ARFGEF1: variants seen among roughly 807,000 people sequenced by gnomAD.
ARFGEF1 encodes the protein brefeldin A-inhibited guanine nucleotide-exchange protein 1.
ARFGEF1 carries 42 observed loss-of-function variants against 231.0 expected under a neutral mutation model. The ratio of observed to expected loss-of-function variants is 0.18; its 90% confidence interval spans 0.14 to 0.24. ARFGEF1 has a LOEUF of 0.24. ARFGEF1 is among the 10% of genes least tolerant of loss of function. The pLI, the probability that ARFGEF1 is intolerant of heterozygous loss-of-function variation, is 1.00. For missense variants in ARFGEF1, 1,345 were observed against 2,192.0 expected, an observed-to-expected ratio of 0.61 and a Z score of 7.72; for synonymous variants, 710 against 732.3, an observed-to-expected ratio of 0.97 and a Z score of 0.49.
chr8:67,288,472 C>A (rs906344908), intron 6 of ARFGEF1, among the ~76,000 whole-genome samples: 4 of 151,482 alleles, frequency 2.6e-5, no homozygotes, highest in Non-Finnish European at 5.9e-5. Flanking sequence ...GTGGCTCATG[C>A]CTGTAATTTC....
chr8:67,284,121 G>A (rs1471935119), intron 7 of ARFGEF1, among the ~76,000 whole-genome samples: 1 of 152,060 alleles, frequency 6.6e-6, no homozygotes, highest in Admixed American at 6.6e-5. Flanking sequence ...TGATATATCT[G>A]CATAAGGTAG....
At chr8:67,328,191 C>G (rs774222359) in intron 1 of ARFGEF1, among the ~76,000 whole-genome samples, 11 of 152,122 alleles carry the variant, frequency 7.2e-5, no homozygotes, top group Non-Finnish European at 1.5e-4. Context: ...CAGCAAATTC[C>G]TATTAAATGT....
chr8:67,264,684 T>TTCCA (rs1315921087), intron 14 of ARFGEF1, among the ~76,000 whole-genome samples: 1 of 152,086 alleles, frequency 6.6e-6, no homozygotes, highest in Non-Finnish European at 1.5e-5. Flanking sequence ...AGGAATACAG[T>TTCCA]TCCATGAAAG....
Position 67,198,679 on chromosome 8 carries a change from G to A in ARFGEF1, c.*255C>T. On this transcript the variant is annotated 3_prime_UTR_variant, in exon 39 of 39. Transcript: ENST00000262215. ...GGGCTTTTCCTGCCGTGGAAGACAGGGAAGGACCCGTGAGCATGAGCTGAC... is the reference window on the plus strand; with the variant it reads ...GGGCTTTTCCTGCCGTGGAAGACAGAGAAGGACCCGTGAGCATGAGCTGAC... 1 of 1,189,638 alleles carries A rather than the reference G, an allele frequency of 8.4e-7. No homozygotes were observed. The highest frequency in any genetic ancestry group is 1.0e-6 in the Non-Finnish European group (1 of 958,994). 73.7% of individuals were successfully genotyped at this position (1,189,638 alleles called of 1,614,324 possible). A position where few individuals can be genotyped will look rare whatever the true frequency, so the allele number is the denominator to read the frequency against.
intron 5 of ARFGEF1, 143 bp downstream of exon 5, chr8:67,296,288 C>A: frequency 1.3e-6 from 1 of 791,104 alleles, no homozygotes; most frequent in East Asian, 2.7e-5. Context: ...AACACAATCC[C>A]ACAAATCTCC....
chr8:67,310,561 G>A (rs1806960207), intron 1 of ARFGEF1, among the ~76,000 whole-genome samples: 4 of 150,644 alleles, frequency 2.7e-5, no homozygotes, highest in South Asian at 2.1e-4. Context: ...GCCGCCCATC[G>A]TCTGGGATGT....
rs1301714952 is a variant in ARFGEF1, at chr8:67,301,249, A to G, written c.287T>C (p.Val96Ala). ...CTGTAAGCAATCTAGAGATGTACTAACTATGCGAGGACATTTGGACTGGCA... is the reference window on the plus strand; with the variant it reads ...CTGTAAGCAATCTAGAGATGTACTAGCTATGCGAGGACATTTGGACTGGCA... ...LACQSKCPRI[V>A]STSLDCLQKL... is the part of the protein sequence containing the mutation. Residue 96 changes from valine to alanine, a missense_variant, in exon 3 of 39, where the codon GTT becomes GCT. Coordinates refer to ENST00000262215, the MANE Select transcript of ARFGEF1 (RefSeq NM_006421.5). 1 of 1,613,338 alleles carries G rather than the reference A, an allele frequency of 6.2e-7. No individual in the cohort carries two copies. Among genetic ancestry groups the G allele is most frequent in the Non-Finnish European group, 8.5e-7 (1 of 1,179,836 alleles).
rs1318381561 is a variant in ARFGEF1 at position 67,296,581 on chromosome 8, G to C, written c.489C>G (p.His163Gln). 8 of 1,611,594 alleles carry C rather than the reference G, an allele frequency of 5.0e-6. No homozygotes were observed. Among genetic ancestry groups the C allele is most frequent in the Non-Finnish European group, 6.8e-6 (8 of 1,178,830 alleles). The stretch of plus-strand genomic sequence containing the variant: ...GTACAGTCCCTTCATGAATTTCTAT[G>C]TGTTGTGATGTTACTGCAGTAAGTA... ...KALLTAVTSQ[H>Q]IEIHEGTVLQ... The change falls in exon 5 of 39, where the codon CAC becomes CAG. Residue 163 changes from histidine to glutamine, a missense_variant. Coordinates refer to ENST00000262215, the MANE Select transcript of ARFGEF1 (RefSeq NM_006421.5).
chr8:67,194,120 C>T (rs1433445504), downstream of ARFGEF1, among the ~76,000 whole-genome samples: 1 of 152,144 alleles, frequency 6.6e-6, no homozygotes, highest in Admixed American at 6.5e-5. Flanking sequence ...AGTCATAGAG[C>T]ACAAGGCAGG....
At chr8:67,216,511 A>G in intron 33 of ARFGEF1, 79 bp downstream of exon 33, 2 of 1,260,130 alleles carry the variant, frequency 1.6e-6, no homozygotes, top group Non-Finnish European at 2.2e-6. Context: ...TAAGACAATT[A>G]CATGTAAGAA....
At chr8:67,231,474 T>A (rs1344607062) in intron 23 of ARFGEF1, among the ~76,000 whole-genome samples, 3 of 152,090 alleles carry the variant, frequency 2.0e-5, no homozygotes, top group Non-Finnish European at 4.4e-5. Flanking sequence ...GAGTAACATG[T>A]CCCTCTGTAA....
chr8:67,343,581 C>G lies in ARFGEF1; in HGVS notation c.-294G>C, dbSNP rs1310325937. 1.8e-6 allele frequency: 2 copies of G among 1,094,218 alleles called. No individual in the cohort carries two copies. The highest frequency in any genetic ancestry group is 6.1e-5 in the East Asian group (1 of 16,336). 67.8% of individuals were successfully genotyped at this position (1,094,218 alleles called of 1,614,324 possible). The stretch of plus-strand genomic sequence containing the variant: ...TCGCGTCCCGGCCGCCCCTCTCACT[C>G]GTCCCTCCGGCCCTGGTGGCGGTGA... On this transcript the variant is annotated 5_prime_UTR_variant, in exon 1 of 39. Coordinates refer to ENST00000262215, the MANE Select transcript of ARFGEF1 (RefSeq NM_006421.5).
chr8:67,272,785 GAAAT>G (rs1805151300), intron 9 of ARFGEF1, among the ~76,000 whole-genome samples: 1 of 151,330 alleles, frequency 6.6e-6, no homozygotes, highest in South Asian at 2.1e-4. Context: ...TTTTTCTTTT[GAAAT>G]AAATATAGAG....
At chr8:67,174,668 G>GGCAGGAGAATGGCATGAAC (rs1385138522), downstream of ARFGEF1, 1 of 152,450 alleles carries the variant, frequency 6.6e-6, no homozygotes, top group East Asian at 1.9e-4. Flanking sequence ...GGGAGACTGA[G>GGCAGGAGAATGGCATGAAC]GCAGGAGAAT....
chr8:67,318,239 GAA>G (rs34563091), intron 1 of ARFGEF1, among the ~76,000 whole-genome samples: 2,003 of 78,172 alleles, frequency 0.026, 33 homozygotes, highest in African/African-American at 0.092. Context: ...TCCGTCTCAA[GAA>G]AAAAAAAAAA....
chr8:67,237,933 C>A (rs551183888), intron 22 of ARFGEF1, among the ~76,000 whole-genome samples: 1 of 152,122 alleles, frequency 6.6e-6, no homozygotes, highest in African/African-American at 2.4e-5. Flanking sequence ...TCATATTGAG[C>A]GCATGGGGAG....
chr8:67,296,009 C>T (rs1395676937), intron 5 of ARFGEF1, among the ~76,000 whole-genome samples: 4 of 152,164 alleles, frequency 2.6e-5, no homozygotes, highest in African/African-American at 9.7e-5. Flanking sequence ...TAAGGAATAT[C>T]ATGCCCCTTT....
chr8:67,334,284 C>CAAAAAAA (rs35170687), intron 1 of ARFGEF1, among the ~76,000 whole-genome samples: 1 of 104,950 alleles, frequency 9.5e-6, no homozygotes, highest in Non-Finnish European at 2.1e-5. Flanking sequence ...TTCCAAAGTC[C>CAAAAAAA]AAAAAAAAAA....
intron 1 of ARFGEF1, among the ~76,000 whole-genome samples, chr8:67,310,019 C>T (rs1160997465): frequency 6.6e-6 from 1 of 152,190 alleles, no homozygotes. Context: ...GTATTATACA[C>T]AAACCTATAG....
Sources: gnomAD v4.1 joint callset for allele counts (sites outside exome capture counted in the v4.1 genomes callset) on GRCh38, gnomAD v4.1.1 for gene constraint, MANE v1.5 for transcripts, NCBI Gene and HGNC (gene_info 2026-07-23, HGNC 2026-07-21) for gene names.